Variants in PTPN14 observed in about 807,000 individuals in gnomAD.
PTPN14 encodes the protein protein tyrosine phosphatase non-receptor type 14, also known as tyrosine-protein phosphatase non-receptor type 14.
Under a neutral mutation model 126.8 loss-of-function variants are expected in PTPN14, and 53 were observed. The ratio of observed to expected loss-of-function variants is 0.42; its 90% CI spans 0.34 to 0.53. The LOEUF is 0.53. PTPN14 is among the 20% of genes least tolerant of loss of function. The pLI is 0.08. For synonymous variants in PTPN14, 630 were observed against 599.3 expected, an observed-to-expected ratio of 1.05 and a Z score of -0.75; for missense variants, 1,257 against 1,552.9, an observed-to-expected ratio of 0.81 and a Z score of 3.20.
chr1:214,394,745 G>A (rs1658838331), intron 9 of PTPN14, among the ~76,000 whole-genome samples, 154 bp downstream of exon 9: 1 of 152,200 alleles, frequency 6.6e-6, no homozygotes, highest in Non-Finnish European at 1.5e-5. Flanking sequence ...ATCCTGGAAT[G>A]AGTAATGACA....
At chr1:214,437,057 T>A (rs1444599341) in intron 3 of PTPN14, among the ~76,000 whole-genome samples, 1 of 151,914 alleles carries the variant, frequency 6.6e-6, no homozygotes, top group Non-Finnish European at 1.5e-5. Context: ...AGTTGGTAGT[T>A]GAAATCAAGT....
At position 214,516,473 on chromosome 1, in the gene PTPN14, C is replaced by T. The variant is rs143051805; in HGVS notation, c.-155+34710G>A. Among the ~76,000 whole-genome samples, 722 of 152,306 alleles carry T rather than the reference C, an allele frequency of 4.7e-3. 3 individuals carry two copies. Among genetic ancestry groups the T allele is most frequent in the African/African-American group, 0.016 (683 of 41,546 alleles). On this transcript the variant is annotated intron_variant, in intron 1 of 18. Coordinates refer to ENST00000366956, the MANE Select transcript of PTPN14 (RefSeq NM_005401.5). ...TGCAGCATATGCTGGGCTGATATGA[C>T]ATCTGCCAGAAAGCTAGCATTCCTA...
chr1:214,412,724 C>T (rs1247996488), intron 4 of PTPN14, among the ~76,000 whole-genome samples: 1 of 152,202 alleles, frequency 6.6e-6, no homozygotes, highest in Non-Finnish European at 1.5e-5. Flanking sequence ...GACTGAACAG[C>T]TAGCTTCAAG....
Position 214,383,631 on chromosome 1 carries a change from C to G in PTPN14, c.2224G>C (p.Ala742Pro). 6.2e-7 allele frequency: 1 copy of G among 1,613,260 alleles called. No individual in the cohort carries two copies. The highest frequency in any genetic ancestry group is 1.1e-5 in the South Asian group (1 of 91,064). Residue 742 changes from alanine to proline, a missense_variant, in exon 13 of 19, where the codon GCC becomes CCC. Transcript: ENST00000366956. This position sits in a 1 kb window ranked among gnomAD's most constrained non-coding sequence, Gnocchi z 4.4. ...GGCGGGGGCTTGTTGGGGATGCGGG[C>G]CAGGGCCGCCTGCAGCTGGGCACTG... ...EYSAQLQAAL[A>P]RIPNKPPPEY... is the part of the protein sequence containing the mutation.
In PTPN14 at chr1:214,388,344, A is replaced by C. The variant is rs1571967246; in HGVS notation, c.988-1422T>G. On this transcript the variant is annotated intron_variant, in intron 11 of 18. Transcript: ENST00000366956. ...AAGAGTTTTGATTTGCGGGGGAAAA[A>C]ACCCTCAAAACGCTTACGTTTGTAA... 2.6e-5 allele frequency among the ~76,000 whole-genome samples: 4 copies of C among 152,222 alleles called. No individual in the cohort carries two copies. The South Asian group carries it at 8.3e-4, about 32-fold the overall frequency.
At chr1:214,362,197 C>T (rs1423837909) in intron 18 of PTPN14, among the ~76,000 whole-genome samples, 2 of 152,108 alleles carry the variant, frequency 1.3e-5, no homozygotes, top group Non-Finnish European at 1.5e-5. Context: ...CTGAACAGTA[C>T]CAGAACAAAA....
At chr1:214,549,054 T>C (rs760027719) in intron 1 of PTPN14, among the ~76,000 whole-genome samples, 11 of 152,138 alleles carry the variant, frequency 7.2e-5, no homozygotes, top group Non-Finnish European at 1.6e-4. Flanking sequence ...GGGCTGTTCC[T>C]GAGATAAGAA....
chr1:214,502,158 T>G (rs1471595998), intron 1 of PTPN14, among the ~76,000 whole-genome samples: 1 of 151,892 alleles, frequency 6.6e-6, no homozygotes, highest in Non-Finnish European at 1.5e-5. Flanking sequence ...TAGAACTGAA[T>G]TTGGGAGCTC....
chr1:214,390,882 C>T (rs2102548643), intron 11 of PTPN14, 106 bp downstream of exon 11: 1 of 978,108 alleles, frequency 1.0e-6, no homozygotes, highest in Non-Finnish European at 1.4e-6. Flanking sequence ...TGTGTTCTCA[C>T]AAAATTTCAC....
chr1:214,399,688 C>T lies in PTPN14; in HGVS notation c.670-1687G>A, dbSNP rs546716672. On this transcript the variant is annotated intron_variant, in intron 7 of 18. Transcript: ENST00000366956. ...ATTCTTCAGTGCAGGGATATTTTCTCGAATAATTACCTTTTGTTTCCCTTG... is the reference window on the plus strand; with the variant it reads ...ATTCTTCAGTGCAGGGATATTTTCTTGAATAATTACCTTTTGTTTCCCTTG... Among the ~76,000 whole-genome samples the T allele has an allele frequency of 7.2e-4, 109 of 152,236 alleles. 1 individual carries two copies. Among genetic ancestry groups the T allele is most frequent in the South Asian group, 5.4e-3 (26 of 4,818 alleles).
chr1:214,433,469 C>A (rs1257421609), intron 3 of PTPN14, among the ~76,000 whole-genome samples: 1 of 151,952 alleles, frequency 6.6e-6, no homozygotes, highest in South Asian at 2.1e-4. Flanking sequence ...GATTTAAAAT[C>A]AAGAGAAGGC....
At chr1:214,532,293 C>T (rs910089576) in intron 1 of PTPN14, 12 of 481,586 alleles carry the variant, frequency 2.5e-5, no homozygotes, top group Non-Finnish European at 4.7e-5. Context: ...AGCCTATGCA[C>T]GTGCCAGGGG....
chr1:214,475,713 C>A (rs890108952), intron 1 of PTPN14, among the ~76,000 whole-genome samples: 1 of 152,138 alleles, frequency 6.6e-6, no homozygotes, highest in Non-Finnish European at 1.5e-5. Context: ...TTGATGGGGG[C>A]ACTCTGCTGA....
Position 214,481,067 on chromosome 1 carries a change from T to C in PTPN14, c.-154-16110A>G, listed in dbSNP as rs200655192. Among the ~76,000 whole-genome samples, 6 of 152,092 alleles carry C rather than the reference T, an allele frequency of 3.9e-5. No homozygotes were observed. The East Asian group carries it at 1.2e-3, about 29-fold the overall frequency. ...TCAAGTAAAAAAGGAGAAAAGGAGATGACAAGGGTACATAATGGCTCAAAG... is the reference window on the plus strand; with the variant it reads ...TCAAGTAAAAAAGGAGAAAAGGAGACGACAAGGGTACATAATGGCTCAAAG... On this transcript the variant is annotated intron_variant, in intron 1 of 18. Transcript: ENST00000366956.
intron 1 of PTPN14, among the ~76,000 whole-genome samples, chr1:214,465,951 C>CTTTCTTTTTTT (rs1324868342): frequency 3.4e-5 from 2 of 59,024 alleles, no homozygotes; most frequent in African/African-American, 1.4e-4. Context: ...CAGTTACTTC[C>CTTTCTTTTTTT]TTTTTTTTTT....
chr1:214,396,251 G>A (rs1482305217), intron 8 of PTPN14, among the ~76,000 whole-genome samples: 1 of 152,178 alleles, frequency 6.6e-6, no homozygotes, highest in Admixed American at 6.5e-5. Context: ...ATAAGTACCT[G>A]ACTTAGCATG....
Position 214,401,671 on chromosome 1 carries a change from G to A in PTPN14, c.669+14C>T. 5.2e-6 allele frequency: 8 copies of A among 1,535,992 alleles called. No individual in the cohort carries two copies. The highest frequency in any genetic ancestry group is 7.2e-6 in the Non-Finnish European group (8 of 1,114,504). On this transcript the variant is annotated intron_variant, in intron 7 of 18. Transcript: ENST00000366956. ...CTGAGAAGGTTAAAGCCAGCACAGG[G>A]CACAGCATATTACCTTTACAGGGAA...
intron 3 of PTPN14, among the ~76,000 whole-genome samples, chr1:214,431,453 T>A (rs750653082): frequency 6.6e-6 from 1 of 152,164 alleles, no homozygotes; most frequent in Non-Finnish European, 1.5e-5. Flanking sequence ...AACTGAGTCT[T>A]AAGAAGGATA....
At chr1:214,492,815 C>A (rs190722087) in intron 1 of PTPN14, among the ~76,000 whole-genome samples, 33 of 149,932 alleles carry the variant, frequency 2.2e-4, no homozygotes, top group African/African-American at 8.1e-4. Context: ...GGCTGAGGCA[C>A]GAGAATTGCA....
Sources: gnomAD v4.1 joint callset for allele counts (sites outside exome capture counted in the v4.1 genomes callset) on GRCh38, gnomAD v4.1.1 for gene constraint, Gnocchi (gnomAD v3.1) non-coding constraint, MANE v1.5 for transcripts, NCBI Gene and HGNC (gene_info 2026-07-23, HGNC 2026-07-21) for gene names.